PTPRD: variants seen among roughly 807,000 people sequenced by gnomAD.
PTPRD encodes protein tyrosine phosphatase receptor type D.
In PTPRD, 34 loss-of-function variants were observed where a neutral mutation model predicts 214.5. The ratio of observed to expected loss-of-function variants is 0.16; its 90% CI spans 0.12 to 0.21. The LOEUF (loss-of-function observed/expected upper bound fraction) is 0.21, where lower values mean the gene tolerates loss of function less well. Among genes scored for constraint, PTPRD ranks in the 10% least tolerant of loss-of-function variants. PTPRD has a pLI of 1.00. For missense variants in PTPRD, 2,545 were observed against 2,398.7 expected, an observed-to-expected ratio of 1.06 and a Z score of -1.27; for synonymous variants, 1,128 against 845.7, an observed-to-expected ratio of 1.33 and a Z score of -5.79.
chr9:10,553,423 A>C (rs1051886392), intron 2 of PTPRD, among the ~76,000 whole-genome samples: 2 of 152,110 alleles, frequency 1.3e-5, no homozygotes, highest in African/African-American at 4.8e-5. Flanking sequence ...CACAAAAAAT[A>C]ATTAAAATTC....
intron 4 of PTPRD, among the ~76,000 whole-genome samples, chr9:10,028,293 T>C (rs918918845): frequency 3.3e-5 from 5 of 152,186 alleles, no homozygotes; most frequent in Non-Finnish European, 7.3e-5. Flanking sequence ...TGTAAATTGC[T>C]CAGTCTTGGG....
chr9:9,323,888 G>A (rs1968132826), intron 9 of PTPRD, among the ~76,000 whole-genome samples: 1 of 152,142 alleles, frequency 6.6e-6, no homozygotes, highest in Non-Finnish European at 1.5e-5. Flanking sequence ...TCCCTGCTGT[G>A]TCCAAGTGTT....
intron 3 of PTPRD, among the ~76,000 whole-genome samples, chr9:10,066,964 GAA>G (rs200442683): frequency 0.012 from 1,717 of 142,860 alleles, 37 homozygotes; most frequent in African/African-American, 0.04. Flanking sequence ...TGTCCTTCTG[GAA>G]AAAAAAAAAA....
intron 30 of PTPRD, among the ~76,000 whole-genome samples, chr9:8,477,900 G>A (rs1245948287): frequency 6.6e-6 from 1 of 152,238 alleles, no homozygotes; most frequent in East Asian, 1.9e-4. Flanking sequence ...AGACTGCCTG[G>A]ATTCAAGCCT....
intron 14 of PTPRD, among the ~76,000 whole-genome samples, chr9:8,585,625 T>C (rs895061245): frequency 6.6e-6 from 1 of 152,240 alleles, no homozygotes; most frequent in African/African-American, 2.4e-5. Context: ...TATATGTAGG[T>C]AAGTCAGATT....
intron 9 of PTPRD, among the ~76,000 whole-genome samples, chr9:9,194,246 C>T (rs760641669): frequency 1.3e-5 from 2 of 152,084 alleles, no homozygotes; most frequent in Non-Finnish European, 2.9e-5. Flanking sequence ...TCTGGAATAC[C>T]TCCTGAACGA....
In PTPRD at chr9:10,169,473, C is replaced by CAAAAAAAAAAAAAAAAAA. The variant is rs59335943; in HGVS notation, c.-544-135701_-544-135684dup. 1.8e-3 allele frequency among the ~76,000 whole-genome samples: 123 copies of CAAAAAAAAAAAAAAAAAA among 66,838 alleles called. 9 individuals are homozygous for CAAAAAAAAAAAAAAAAAA. The highest frequency in any genetic ancestry group is 8.6e-3 in the African/African-American group (120 of 13,994). The allele number at this position is 66,838 out of a possible 152,430, so 43.8% of individuals were successfully genotyped here. ...TGGGCGAAAGAGCGAGACTCTGTCT[C>CAAAAAAAAAAAAAAAAAA]AAAAAAAAAAAAAAAAAAAAGCAAT... On this transcript the variant is annotated intron_variant, in intron 3 of 45. Transcript: ENST00000381196.
At position 10,572,906 on chromosome 9, in the gene PTPRD, T is replaced by G. The variant is rs903085909; in HGVS notation, c.-600+39492A>C. Among the ~76,000 whole-genome samples the G allele has an allele frequency of 2.0e-5, 3 of 152,192 alleles. No homozygotes were observed. In the South Asian group the frequency reaches 6.2e-4, roughly 32 times the overall value. On this transcript the variant is annotated intron_variant, in intron 2 of 45. Coordinates refer to ENST00000381196, the MANE Select transcript of PTPRD (RefSeq NM_002839.4). ...ATTTTTTTAAACTTTTAAGTTTTTT[T>G]CAAGGTAGCTGCTGATGCTTTTGTT...
intron 3 of PTPRD, among the ~76,000 whole-genome samples, chr9:10,239,539 G>A (rs1001654946): frequency 6.6e-6 from 1 of 151,620 alleles, no homozygotes; most frequent in Non-Finnish European, 1.5e-5. Context: ...TCCAGGTAGT[G>A]AAAGGGAATT....
At chr9:8,663,260 G>A (rs944766076) in intron 12 of PTPRD, among the ~76,000 whole-genome samples, 10 of 148,132 alleles carry the variant, frequency 6.8e-5, no homozygotes, top group Non-Finnish European at 1.2e-4. Context: ...TTTCCAAAAC[G>A]AAACTAGTAT....
rs561121808 is a variant in PTPRD at position 9,074,225 on chromosome 9, G to T, written c.-142-55490C>A. 3.9e-5 allele frequency among the ~76,000 whole-genome samples: 6 copies of T among 152,152 alleles called. No individual in the cohort carries two copies. In the South Asian group the frequency reaches 1.2e-3, roughly 32 times the overall value. ...AGCTTCCTTTTTCCTGAGTTTTATT[G>T]ATCTTCAATGGGATAAATGTGCTGA... On this transcript the variant is annotated intron_variant, in intron 10 of 45. Transcript: ENST00000381196.
chr9:9,826,051 T>C (rs1358396437), intron 5 of PTPRD, among the ~76,000 whole-genome samples: 1 of 151,810 alleles, frequency 6.6e-6, no homozygotes, highest in Non-Finnish European at 1.5e-5. Context: ...AGTTATCTGT[T>C]CTGCTCTCTT....
intron 3 of PTPRD, among the ~76,000 whole-genome samples, chr9:10,138,931 A>C (rs944906405): frequency 2.6e-5 from 4 of 152,116 alleles, no homozygotes; most frequent in Non-Finnish European, 5.9e-5. Context: ...ACAAACCTAT[A>C]GCTAATATCA....
chr9:9,158,803 T>C (rs2099883615), intron 10 of PTPRD, among the ~76,000 whole-genome samples: 1 of 151,980 alleles, frequency 6.6e-6, no homozygotes, highest in Non-Finnish European at 1.5e-5. Context: ...CATGCAAAAA[T>C]ACTCAGTAAA....
chr9:10,474,311 G>GAAA (rs34654482), intron 2 of PTPRD, among the ~76,000 whole-genome samples: 7 of 143,936 alleles, frequency 4.9e-5, no homozygotes, highest in Admixed American at 1.4e-4. Flanking sequence ...ATGGAAAGCA[G>GAAA]AAAAAAAAAA....
At chr9:10,059,408 A>G (rs933583974) in intron 3 of PTPRD, among the ~76,000 whole-genome samples, 19 of 152,118 alleles carry the variant, frequency 1.2e-4, no homozygotes, top group African/African-American at 4.1e-4. Flanking sequence ...CCATTGGACC[A>G]TTCTATTTTA....
chr9:8,906,702 G>A (rs144264571), intron 11 of PTPRD, among the ~76,000 whole-genome samples: 148 of 152,044 alleles, frequency 9.7e-4, no homozygotes, highest in Middle Eastern at 3.4e-3. Flanking sequence ...ACCTTCCTCT[G>A]CTTGTCACTA....
At chr9:8,832,559 G>A (rs112527739) in intron 11 of PTPRD, among the ~76,000 whole-genome samples, 1 of 151,906 alleles carries the variant, frequency 6.6e-6, no homozygotes, top group African/African-American at 2.4e-5. Flanking sequence ...ACTGAACGAG[G>A]TCACAATATA....
intron 37 of PTPRD, among the ~76,000 whole-genome samples, chr9:8,385,223 C>T (rs1400043643): frequency 1.3e-5 from 2 of 152,100 alleles, no homozygotes; most frequent in Non-Finnish European, 2.9e-5. Context: ...CAGACCTGAG[C>T]GACAGCTTAA....
Sources: allele counts gnomAD v4.1 joint callset (sites outside exome capture counted in the v4.1 genomes callset), GRCh38; gene constraint gnomAD v4.1.1; transcripts MANE v1.5; gene names NCBI Gene and HGNC (gene_info 2026-07-23, HGNC 2026-07-21).